The following TRPM8 variants were observed in gnomAD, a reference collection of about 807,000 sequenced individuals.
TRPM8 encodes the protein TRPM8 cationic channel.
A neutral mutation model predicts 133.7 loss-of-function variants in TRPM8; 110 were observed. The ratio of observed to expected loss-of-function variants is 0.82; its 90% CI spans 0.70 to 0.96. The LOEUF (loss-of-function observed/expected upper bound fraction) is 0.96, where lower values mean the gene tolerates loss of function less well. TRPM8 is among the 40% of genes least tolerant of loss of function. The probability of loss-of-function intolerance (pLI) is 0.00; values close to 1 mark genes in which losing one functional copy is unlikely to be tolerated. For synonymous variants in TRPM8, 535 were observed against 532.3 expected (o/e 1.01, Z -0.07); for missense variants, 1,291 against 1,379.5 (o/e 0.94, Z 1.02).
chr2:233,943,973 T>G (rs1043989615), intron 6 of TRPM8, among the ~76,000 whole-genome samples: 6 of 149,412 alleles, frequency 4.0e-5, no homozygotes, highest in African/African-American at 1.5e-4. Flanking sequence ...GTGGGAGGTG[T>G]TTTTTTTTGT....
chr2:233,980,330 T>C (rs1400228921), intron 18 of TRPM8, 51 bp downstream of exon 18: 1 of 1,273,130 alleles, frequency 7.9e-7, no homozygotes, highest in Non-Finnish European at 1.1e-6. Flanking sequence ...ACTACAAAAG[T>C]GGAGAAAAGC....
At position 233,927,708 on chromosome 2, in the gene TRPM8, CTCTTTCTTTCTTTCTTTCTTTCTT is replaced by C. The variant is rs1174628676; in HGVS notation, c.117+1116_117+1139del. Among the ~76,000 whole-genome samples the C allele has an allele frequency of 8.0e-3, 652 of 81,434 alleles. 23 individuals are homozygous for C. The highest frequency in any genetic ancestry group is 0.017 in the Middle Eastern group (2 of 116). 53.4% of individuals were successfully genotyped at this position (81,434 alleles called of 152,430 possible). ...CAGAGCCCTGGAAGACAGAGTCTGTCTCTTTCTTTCTTTCTTTCTTTCTTTCTTTCTTTCTTTCTTTCTTTCTTT... is the reference window on the plus strand; with the variant it reads ...CAGAGCCCTGGAAGACAGAGTCTGTCTCTTTCTTTCTTTCTTTCTTTCTTT... On this transcript the variant is annotated intron_variant, in intron 2 of 25. Coordinates refer to ENST00000324695, the MANE Select transcript of TRPM8 (RefSeq NM_024080.5).
At chr2:234,001,384 A>G (rs1248556331) in intron 22 of TRPM8, among the ~76,000 whole-genome samples, 1 of 152,176 alleles carries the variant, frequency 6.6e-6, no homozygotes, top group Non-Finnish European at 1.5e-5. Context: ...ATCATCACTT[A>G]TATTCCGGAC....
At chr2:233,952,823 T>A (rs767983412) in intron 9 of TRPM8, among the ~76,000 whole-genome samples, 1 of 151,920 alleles carries the variant, frequency 6.6e-6, no homozygotes, top group Non-Finnish European at 1.5e-5. Context: ...CCATATTCAT[T>A]TCCTTCTTCT....
chr2:233,939,145 A>G lies in TRPM8; in HGVS notation c.496A>G (p.Ser166Gly), dbSNP rs908812228. The part of the protein sequence containing the change: ...ALKPRMRKIF[S>G]RLIYIAQSKG... Reference sequence around the variant, plus strand: ...GAAGCCGCGCATGCGCAAGATCTTCAGCCGGCTCATCTACATCGCGCAGTC... The same window carrying G: ...GAAGCCGCGCATGCGCAAGATCTTCGGCCGGCTCATCTACATCGCGCAGTC... The change falls in exon 5 of 26, where the codon AGC (serine) becomes GGC (glycine). Residue 166 changes from serine (S) to glycine (G), a missense_variant. Around this residue, in one of 2 missense-constraint regions of TRPM8, gnomAD observed 963 missense variants for 968.9 expected, o/e 0.99. Coordinates refer to ENST00000324695, the MANE Select transcript of TRPM8 (RefSeq NM_024080.5). 6.2e-7 allele frequency: 1 copy of G among 1,614,128 alleles called. No homozygotes were observed. Among genetic ancestry groups the G allele is most frequent in the Admixed American group, 1.7e-5 (1 of 60,028 alleles).
intron 20 of TRPM8, 74 bp from the exon 21 acceptor site, chr2:233,985,614 G>T: frequency 7.1e-7 from 1 of 1,411,514 alleles, no homozygotes; most frequent in Non-Finnish European, 9.9e-7. Flanking sequence ...ACATGTTCTT[G>T]TGGCCCTGGG....
chr2:233,975,575 C>CT (rs1338363047), intron 17 of TRPM8, among the ~76,000 whole-genome samples: 1 of 152,212 alleles, frequency 6.6e-6, no homozygotes, highest in Non-Finnish European at 1.5e-5. Flanking sequence ...TGTTTGACTC[C>CT]TTTAGGCATC....
At chr2:233,927,824 C>T (rs1308546993) in intron 2 of TRPM8, among the ~76,000 whole-genome samples, 5 of 77,446 alleles carry the variant, frequency 6.5e-5, no homozygotes, top group Admixed American at 2.9e-4. Context: ...TCCTTCCTTC[C>T]TTCCTTCCTT....
rs757733567 is a variant in TRPM8 at position 233,939,174 on chromosome 2, A to AGGTGC, written c.526+3_526+4insCGGTG. The AGGTGC allele has an allele frequency of 6.2e-7, 1 of 1,613,848 alleles. No individual in the cohort carries two copies. Among genetic ancestry groups the AGGTGC allele is most frequent in the East Asian group, 2.2e-5 (1 of 44,874 alleles). Reference sequence around the variant, plus strand: ...GGCTCATCTACATCGCGCAGTCCAAAGGTGAGGGTGGGAGCAGCGACCGCG... The same window carrying AGGTGC: ...GGCTCATCTACATCGCGCAGTCCAAAGGTGCGGTGAGGGTGGGAGCAGCGACCGCG... On this transcript the variant is annotated frameshift_variant and splice_region_variant, in exon 5 of 26. Transcript: ENST00000324695. LOFTEE classifies it high-confidence loss of function.
chr2:233,937,251 T>C, intron 3 of TRPM8, 102 bp from the exon 4 acceptor site: 1 of 1,406,066 alleles, frequency 7.1e-7, no homozygotes, highest in Admixed American at 2.1e-5. Flanking sequence ...AAAATAAGAC[T>C]TGAAGGTATC....
At chr2:233,975,846 C>A (rs1173877164) in intron 17 of TRPM8, among the ~76,000 whole-genome samples, 15 of 152,332 alleles carry the variant, frequency 9.8e-5, no homozygotes, top group Non-Finnish European at 1.5e-5. Context: ...TGCACCACTG[C>A]ACTCCAGCCT....
intron 21 of TRPM8, among the ~76,000 whole-genome samples, chr2:233,988,512 T>C (rs28902213): frequency 6.6e-6 from 1 of 152,284 alleles, no homozygotes; most frequent in African/African-American, 2.4e-5. Context: ...TTCTTACCCA[T>C]GTTTAGTTCA....
At position 233,991,064 on chromosome 2, in the gene TRPM8, C is replaced by G. The variant is rs28902219; in HGVS notation, c.2939+5199C>G. ...GATGTTTGCTTGAAAGATCATGTAC[C>G]CAGAGCCCCAAGTGTTGGTAGGAGA... On this transcript the variant is annotated intron_variant, in intron 21 of 25. Transcript: ENST00000324695. Among the ~76,000 whole-genome samples, 1,510 of 152,050 alleles carry G rather than the reference C, an allele frequency of 9.9e-3. 17 individuals are homozygous for G. Among genetic ancestry groups the G allele is most frequent in the African/African-American group, 0.031 (1,274 of 41,446 alleles).
intron 17 of TRPM8, 156 bp downstream of exon 17, chr2:233,970,582 C>T (rs955226375): frequency 5.8e-5 from 39 of 674,090 alleles, no homozygotes; most frequent in Non-Finnish European, 8.2e-5. Flanking sequence ...TGTGAAGGTG[C>T]ATTTTCATAC....
chr2:233,926,494 T>C, intron 1 of TRPM8, 39 bp from the exon 2 acceptor site: 1 of 1,515,964 alleles, frequency 6.6e-7, no homozygotes, highest in Non-Finnish European at 9.2e-7. Flanking sequence ...CCTGTTACTG[T>C]TTGTAACCCA....
chr2:234,006,939 G>A lies in TRPM8; in HGVS notation c.3217G>A (p.Asp1073Asn), dbSNP rs747671076. The change falls in exon 23 of 26, where the codon GAC becomes AAC. Residue 1073 changes from aspartate (D) to asparagine (N), a missense_variant. Asp to Asn is a conservative substitution (Grantham distance 23). This residue lies in a region of TRPM8 where 328 missense variants were observed against 410.6 expected (regional missense o/e 0.80). Coordinates refer to ENST00000324695, the MANE Select transcript of TRPM8 (RefSeq NM_024080.5). Reference sequence around the variant, plus strand: ...TGTCAAGATCAACACAAAAGCCAACGACACCTCAGAGGAGTATGTCAGACA... The same window carrying A: ...TGTCAAGATCAACACAAAAGCCAACAACACCTCAGAGGAGTATGTCAGACA... ...YLVKINTKAN[D>N]TSEEMRHRFR... 17 of 1,613,230 alleles carry A rather than the reference G, an allele frequency of 1.1e-5. No individual in the cohort carries two copies. Among genetic ancestry groups the A allele is most frequent in the South Asian group, 4.4e-5 (4 of 90,982 alleles).
rs11563129 is a variant in TRPM8, at chr2:233,984,258, G to A, written c.2761+1034G>A. Among the ~76,000 whole-genome samples, 155 of 152,202 alleles carry A rather than the reference G, an allele frequency of 1.0e-3. 1 individual carries two copies. Among genetic ancestry groups the A allele is most frequent in the South Asian group, 1.7e-3 (8 of 4,816 alleles). On this transcript the variant is annotated intron_variant, in intron 20 of 25. Coordinates refer to ENST00000324695, the MANE Select transcript of TRPM8 (RefSeq NM_024080.5). The stretch of plus-strand genomic sequence containing the variant: ...TTCTCTACAGGGCCTCTCACTGGCC[G>A]GTGTGACCCCACACATGCTCAGATG...
chr2:233,935,342 GC>G (rs1321101362), intron 3 of TRPM8, among the ~76,000 whole-genome samples: 1 of 152,218 alleles, frequency 6.6e-6, no homozygotes, highest in Non-Finnish European at 1.5e-5. Flanking sequence ...GCACAAGGAT[GC>G]TGGGGTGAGT....
chr2:233,969,221 G>A (rs1173985152), intron 15 of TRPM8, among the ~76,000 whole-genome samples: 1 of 152,062 alleles, frequency 6.6e-6, no homozygotes. Context: ...GCTCACACCT[G>A]TAATCCCAGC....
Sources: gnomAD v4.1 joint callset for allele counts (sites outside exome capture counted in the v4.1 genomes callset) on GRCh38, gnomAD v4.1.1 for gene constraint, gnomAD v4.1.1 regional missense constraint, MANE v1.5 for transcripts, NCBI Gene and HGNC (gene_info 2026-07-23, HGNC 2026-07-21) for gene names.